The following CALN1 variants were observed in gnomAD, a reference collection of about 807,000 sequenced individuals.
CALN1 encodes calneuron 1, also known as calcium-binding protein 8.
Under a neutral mutation model 30.6 loss-of-function variants are expected in CALN1, and 17 were observed. That is an observed-to-expected ratio of 0.56 (90% confidence interval 0.38 to 0.83). The LOEUF (loss-of-function observed/expected upper bound fraction) is 0.83. Ranked by LOEUF, CALN1 falls within the 40% of genes least tolerant of loss-of-function variation. The pLI, the probability that CALN1 is intolerant of heterozygous loss-of-function variation, is 0.00. For missense variants in CALN1, 291 were observed against 354.9 expected, an observed-to-expected ratio of 0.82 and a Z score of 1.45; for synonymous variants, 156 against 131.4, an observed-to-expected ratio of 1.19 and a Z score of -1.28.
At chr7:71,958,026 T>C (rs989991459) in intron 5 of CALN1, among the ~76,000 whole-genome samples, 4 of 132,738 alleles carry the variant, frequency 3.0e-5, no homozygotes, top group African/African-American at 1.2e-4. Flanking sequence ...GATTGTGCCA[T>C]TGCACTCCAG....
At chr7:72,359,976 C>CAAAAAAAAAAAAAAAAAAAAAAAAA (rs750054515) in intron 2 of CALN1, among the ~76,000 whole-genome samples, 2 of 63,956 alleles carry the variant, frequency 3.1e-5, no homozygotes, top group East Asian at 6.1e-4. Flanking sequence ...GACTCCATCT[C>CAAAAAAAAAAAAAAAAAAAAAAAAA]AAAAAAAAAA....
chr7:72,153,011 A>C (rs1034361422), intron 3 of CALN1, among the ~76,000 whole-genome samples: 10 of 152,336 alleles, frequency 6.6e-5, no homozygotes, highest in African/African-American at 2.4e-4. Flanking sequence ...AATCAAAGCA[A>C]CCACTAGAAC....
chr7:72,441,974 G>A (rs1268777431), intron 1 of CALN1, among the ~76,000 whole-genome samples: 2 of 151,602 alleles, frequency 1.3e-5, no homozygotes, highest in South Asian at 2.1e-4. Flanking sequence ...AGAAACACCC[G>A]ACTCCTGCTC....
At chr7:72,263,375 T>C (rs893163118) in intron 3 of CALN1, among the ~76,000 whole-genome samples, 2 of 152,146 alleles carry the variant, frequency 1.3e-5, no homozygotes, top group African/African-American at 4.8e-5. Flanking sequence ...TCTTCAACCA[T>C]GCATTTTTAT....
chr7:71,790,368 A>AAAGG, intron 6 of CALN1, among the ~76,000 whole-genome samples: 1 of 123,798 alleles, frequency 8.1e-6, no homozygotes, highest in South Asian at 2.8e-4. Context: ...AGAAAGAAAG[A>AAAGG]AAAGAAAGAA....
chr7:72,185,390 T>C (rs1219090760), intron 3 of CALN1, among the ~76,000 whole-genome samples: 1 of 152,102 alleles, frequency 6.6e-6, no homozygotes, highest in Non-Finnish European at 1.5e-5. Context: ...GAGATAGACC[T>C]GAAAACACAG....
At chr7:72,124,972 A>G (rs1030742207) in intron 3 of CALN1, among the ~76,000 whole-genome samples, 7 of 152,078 alleles carry the variant, frequency 4.6e-5, no homozygotes, top group African/African-American at 1.4e-4. Context: ...GTATTTTTTT[A>G]CTATTAATTT....
chr7:72,034,795 CAAAAAAAAAAAA>C lies in CALN1; in HGVS notation c.389-11038_389-11027del, dbSNP rs57756121. 2.3e-3 allele frequency among the ~76,000 whole-genome samples: 123 copies of C among 52,636 alleles called. No individual in the cohort carries two copies. In the East Asian group the frequency reaches 0.06, roughly 25 times the overall value. The allele number at this position is 52,636 out of a possible 152,430, so 34.5% of individuals were successfully genotyped here. On this transcript the variant is annotated intron_variant, in intron 4 of 6. Coordinates refer to ENST00000395275, the MANE Select transcript of CALN1 (RefSeq NM_031468.4). ...AGAATGACAGAGTGAGACTCTGTCT[CAAAAAAAAAAAA>C]AAAAAAAAAAAAGTCTCCAGGATCT...
intron 5 of CALN1, among the ~76,000 whole-genome samples, chr7:71,850,400 T>C (rs982725548): frequency 1.3e-5 from 2 of 151,474 alleles, no homozygotes; most frequent in Non-Finnish European, 2.9e-5. Flanking sequence ...ATTTTTTTAG[T>C]AGAGATGGGG....
intron 2 of CALN1, among the ~76,000 whole-genome samples, chr7:72,338,245 G>A (rs987513502): frequency 6.6e-6 from 1 of 151,958 alleles, no homozygotes; most frequent in Admixed American, 6.6e-5. Flanking sequence ...CCTCTCCCGG[G>A]TCCCCAGTTT....
At chr7:72,017,752 G>A (rs1412678077) in intron 5 of CALN1, among the ~76,000 whole-genome samples, 1 of 152,162 alleles carries the variant, frequency 6.6e-6, no homozygotes, top group Non-Finnish European at 1.5e-5. Flanking sequence ...GTCTAAATTA[G>A]TGAAGTCTTC....
At chr7:72,278,465 A>C (rs1797498871) in intron 3 of CALN1, among the ~76,000 whole-genome samples, 1 of 134,318 alleles carries the variant, frequency 7.4e-6, no homozygotes, top group African/African-American at 3.0e-5. Context: ...TCAGGCTATC[A>C]GGTCTGTACA....
At chr7:72,331,488 A>T (rs539581097) in intron 2 of CALN1, among the ~76,000 whole-genome samples, 13 of 152,348 alleles carry the variant, frequency 8.5e-5, no homozygotes, top group African/African-American at 2.9e-4. Flanking sequence ...AGCATCTTGA[A>T]TGCAGCAGAA....
intron 2 of CALN1, among the ~76,000 whole-genome samples, chr7:72,393,641 C>T (rs1805726969): frequency 6.6e-6 from 1 of 152,020 alleles, no homozygotes; most frequent in Non-Finnish European, 1.5e-5. Context: ...CCCCCCCAGG[C>T]AAATGCCAAA....
intron 1 of CALN1, among the ~76,000 whole-genome samples, chr7:72,407,650 T>G (rs1436924870): frequency 6.6e-6 from 1 of 152,198 alleles, no homozygotes; most frequent in Non-Finnish European, 1.5e-5. Flanking sequence ...TGCAGAACCG[T>G]GAGCCCATTA....
chr7:71,800,976 C>G (rs1045985337), intron 6 of CALN1, among the ~76,000 whole-genome samples: 2 of 152,042 alleles, frequency 1.3e-5, no homozygotes, highest in Non-Finnish European at 2.9e-5. Flanking sequence ...CCATTGCCCC[C>G]TGACAGGCCC....
In CALN1 at chr7:71,825,194, C is replaced by T. The variant is rs138818974; in HGVS notation, c.502-14702G>A. 7.9e-3 allele frequency among the ~76,000 whole-genome samples: 1,210 copies of T among 152,226 alleles called. 33 individuals carry two copies. Among genetic ancestry groups the T allele is most frequent in the Admixed American group, 0.05 (767 of 15,298 alleles). On this transcript the variant is annotated intron_variant, in intron 5 of 6. Transcript: ENST00000395275. ...GGAGACACCAATGTAACCAGAGAGACGTCTAGAGTCTGACTGGTATGGTTT... is the reference window on the plus strand; with the variant it reads ...GGAGACACCAATGTAACCAGAGAGATGTCTAGAGTCTGACTGGTATGGTTT...
At chr7:72,427,509 G>T (rs1307141693) in intron 1 of CALN1, among the ~76,000 whole-genome samples, 1 of 152,012 alleles carries the variant, frequency 6.6e-6, no homozygotes, top group Non-Finnish European at 1.5e-5. Flanking sequence ...AGGATGAAGG[G>T]GACCTGATTC....
intron 4 of CALN1, among the ~76,000 whole-genome samples, chr7:72,055,224 G>A (rs76063856): frequency 0.013 from 1,975 of 152,258 alleles, 21 homozygotes; most frequent in Non-Finnish European, 0.021. Context: ...GCATGGGCCA[G>A]ACCTGGGGCT....
Sources: allele counts gnomAD v4.1 joint callset (sites outside exome capture counted in the v4.1 genomes callset), GRCh38; gene constraint gnomAD v4.1.1; transcripts MANE v1.5; gene names NCBI Gene and HGNC (gene_info 2026-07-23, HGNC 2026-07-21).